Variants in VWA2 observed in about 807,000 individuals in gnomAD.
VWA2 encodes von Willebrand factor A domain-containing protein 2.
Under a neutral mutation model 70.4 loss-of-function variants are expected in VWA2, and 73 were observed. The observed-to-expected ratio is 1.04, with a 90% CI of 0.86 to 1.26. The LOEUF (loss-of-function observed/expected upper bound fraction) is 1.26. VWA2 is among the 50% of genes most tolerant of loss of function. The pLI, the probability that VWA2 is intolerant of heterozygous loss-of-function variation, is 0.00. For synonymous variants in VWA2, 407 were observed against 423.3 expected, an observed-to-expected ratio of 0.96 and a Z score of 0.47; for missense variants, 1,011 against 998.5, an observed-to-expected ratio of 1.01 and a Z score of -0.17.
chr10:114,268,533 C>A (rs947945623), intron 5 of VWA2, among the ~76,000 whole-genome samples: 3 of 152,006 alleles, frequency 2.0e-5, no homozygotes, highest in African/African-American at 7.3e-5. Context: ...TTGAGCACAG[C>A]GCCTGGCACA....
intron 11 of VWA2, 56 bp from the exon 12 acceptor site, chr10:114,288,882 T>C (rs2039235417): frequency 6.5e-7 from 1 of 1,549,298 alleles, no homozygotes; most frequent in Non-Finnish European, 8.7e-7. Flanking sequence ...CTGGGTCCCG[T>C]CGAGGGGCTC....
chr10:114,255,877 A>G (rs2037316172), intron 4 of VWA2, among the ~76,000 whole-genome samples: 1 of 152,036 alleles, frequency 6.6e-6, no homozygotes, highest in South Asian at 2.1e-4. Context: ...GCCCAACCTC[A>G]CTCACTCAGA....
intron 4 of VWA2, among the ~76,000 whole-genome samples, chr10:114,258,626 C>T (rs1351764435): frequency 1.3e-5 from 2 of 152,168 alleles, no homozygotes; most frequent in Non-Finnish European, 2.9e-5. Flanking sequence ...CTGTTGGTCT[C>T]AGGGGAGGTT....
intron 8 of VWA2, chr10:114,281,561 G>A: frequency 5.5e-6 from 1 of 180,650 alleles, no homozygotes. Flanking sequence ...AGGAATGGTG[G>A]CTGCTGTGTT....
intron 1 of VWA2, among the ~76,000 whole-genome samples, chr10:114,245,863 A>T (rs2037057782): frequency 6.6e-6 from 1 of 152,156 alleles, no homozygotes; most frequent in Non-Finnish European, 1.5e-5. Flanking sequence ...GCTGGCAGGG[A>T]CATTTGTTTT....
chr10:114,265,865 C>T (rs552072267), intron 5 of VWA2, among the ~76,000 whole-genome samples: 5 of 152,140 alleles, frequency 3.3e-5, no homozygotes, highest in South Asian at 2.1e-4. Flanking sequence ...GATTTTTGGC[C>T]CCAGTTGTGG....
chr10:114,289,025 T>C lies in VWA2; in HGVS notation c.1658T>C (p.Phe553Ser), dbSNP rs1564746754. The C allele has an allele frequency of 1.9e-6, 3 of 1,614,050 alleles. No homozygotes were observed. The South Asian group carries it at 3.3e-5, about 18-fold the overall frequency. The part of the protein sequence containing the change: ...GPENFAQMQS[F>S]VRSCALQFEV... Reference sequence around the variant, plus strand: ...GAGAATTTTGCTCAGATGCAGAGCTTTGTGAGAAGCTGTGCCCTCCAGTTT... The same window carrying C: ...GAGAATTTTGCTCAGATGCAGAGCTCTGTGAGAAGCTGTGCCCTCCAGTTT... The change falls in exon 12 of 14, where the codon TTT (phenylalanine) becomes TCT (serine). Residue 553 changes from phenylalanine (F) to serine (S), a missense_variant. Physicochemically the swap from Phe to Ser is radical, Grantham distance 155 (BLOSUM62 -2). Transcript: ENST00000392982.
At chr10:114,261,035 C>T (rs2037434081) in intron 4 of VWA2, 151 bp from the exon 5 acceptor site, 3 of 581,052 alleles carry the variant, frequency 5.2e-6, no homozygotes, top group Non-Finnish European at 9.2e-6. Flanking sequence ...TCTTTGGAAC[C>T]TCCTTCTAGG....
chr10:114,248,063 G>A (rs996908301), intron 1 of VWA2, among the ~76,000 whole-genome samples: 14 of 150,728 alleles, frequency 9.3e-5, no homozygotes, highest in Non-Finnish European at 1.5e-4. Flanking sequence ...AGCCAAGATC[G>A]TGCCACTGCA....
In VWA2 at chr10:114,280,001, GCAT is replaced by G. The variant is rs1270967967; in HGVS notation, c.833+1151_833+1153del. Among the ~76,000 whole-genome samples, 25 of 152,334 alleles carry G rather than the reference GCAT, an allele frequency of 1.6e-4. No homozygotes were observed. The East Asian group carries it at 1.9e-3, about 12-fold the overall frequency. Reference sequence around the variant, plus strand: ...CTGCAGTGTATACTTCCTGGGCCTTGCATTCAGACTCTGCTCTCAGGCTGCTGA... The same window carrying G: ...CTGCAGTGTATACTTCCTGGGCCTTGTCAGACTCTGCTCTCAGGCTGCTGA... On this transcript the variant is annotated intron_variant, in intron 8 of 13. Transcript: ENST00000392982.
chr10:114,290,509 G>A, intron 13 of VWA2, 144 bp downstream of exon 13: 1 of 1,149,284 alleles, frequency 8.7e-7, no homozygotes, highest in Non-Finnish European at 1.2e-6. Context: ...GAAACATTTA[G>A]TGAGTACCTC....
chr10:114,264,823 G>A (rs146849882), intron 5 of VWA2, among the ~76,000 whole-genome samples: 73 of 150,798 alleles, frequency 4.8e-4, no homozygotes, highest in African/African-American at 1.7e-3. Context: ...GGGTTCAAGC[G>A]ATTCTCCTGC....
intron 3 of VWA2, 108 bp downstream of exon 3, chr10:114,253,833 C>G (rs2037260896): frequency 9.4e-7 from 1 of 1,069,418 alleles, no homozygotes; most frequent in Admixed American, 2.1e-5. Flanking sequence ...TTCCCATCTT[C>G]CTTTCATGCT....
chr10:114,249,151 A>G (rs990883982), intron 2 of VWA2, among the ~76,000 whole-genome samples: 11 of 152,016 alleles, frequency 7.2e-5, no homozygotes, highest in South Asian at 2.1e-4. Flanking sequence ...GGCATTAGCT[A>G]TTTATCCTGA....
rs1156510903 is a variant in VWA2, at chr10:114,272,650, G to A, written c.372-90G>A. ...GAGAAAGCTACCTTTCGCTAATAAC[G>A]GAAGAGCTCATCGATTTCAGACTCT... On this transcript the variant is annotated intron_variant, in intron 5 of 13. Coordinates refer to ENST00000392982, the MANE Select transcript of VWA2 (RefSeq NM_001272046.2). 6.6e-6 allele frequency: 8 copies of A among 1,204,248 alleles called. No individual in the cohort carries two copies. In the Admixed American group the frequency reaches 6.8e-5, roughly 10 times the overall value. The allele number at this position is 1,204,248 out of a possible 1,614,324, so 74.6% of individuals were successfully genotyped here.
chr10:114,244,703 A>G (rs2037034181), intron 1 of VWA2, among the ~76,000 whole-genome samples: 1 of 152,240 alleles, frequency 6.6e-6, no homozygotes, highest in South Asian at 2.1e-4. Context: ...AAATTTTGAT[A>G]TGAGAGGGGA....
Position 114,286,306 on chromosome 10 carries a change from A to C in VWA2, c.1365A>C (p.Ser455=), listed in dbSNP as rs750963614. 5.5e-5 allele frequency: 89 copies of C among 1,611,362 alleles called. No homozygotes were observed. In the Admixed American group the frequency reaches 1.5e-3, roughly 26 times the overall value. ...PRRVVVLLTE[S]HSEDEVAGPA... is the part of the protein sequence containing the mutation. Reference sequence around the variant, plus strand: ...GAGTGGTGGTTTTGCTCACTGAGTCACACTCCGAGGATGAGGTTGCGGGCC... The same window carrying C: ...GAGTGGTGGTTTTGCTCACTGAGTCCCACTCCGAGGATGAGGTTGCGGGCC... Residue 455 remains serine, a synonymous_variant, in exon 11 of 14, where the codon TCA becomes TCC. Transcript: ENST00000392982.
At chr10:114,240,396 G>A (rs1197504479) in intron 1 of VWA2, among the ~76,000 whole-genome samples, 1 of 152,194 alleles carries the variant, frequency 6.6e-6, no homozygotes, top group Non-Finnish European at 1.5e-5. Context: ...AAGGGAGGAG[G>A]GCACCTTGCT....
intron 4 of VWA2, among the ~76,000 whole-genome samples, chr10:114,256,351 A>G (rs765775765): frequency 1.3e-5 from 2 of 152,238 alleles, no homozygotes; most frequent in Non-Finnish European, 2.9e-5. Context: ...TAAGGTGCAA[A>G]TGGTGTGTAT....
Sources: allele counts gnomAD v4.1 joint callset (sites outside exome capture counted in the v4.1 genomes callset), GRCh38; gene constraint gnomAD v4.1.1; transcripts MANE v1.5; gene names NCBI Gene and HGNC (gene_info 2026-07-23, HGNC 2026-07-21).